Variants in IGSF21 observed in about 807,000 individuals in gnomAD.
IGSF21 encodes immunoglobin superfamily member 21, also known as immunoglobulin superfamily member 21.
A neutral mutation model predicts 46.8 loss-of-function variants in IGSF21; 28 were observed. That is an observed-to-expected ratio of 0.60 (90% CI 0.44 to 0.82). The LOEUF is 0.82. IGSF21 is among the 40% of genes least tolerant of loss of function. IGSF21 has a pLI of 0.00. For synonymous variants in IGSF21, 284 were observed against 273.6 expected (o/e 1.04, Z -0.38); for missense variants, 624 against 665.5 (o/e 0.94, Z 0.69).
At chr1:18,333,478 T>G (rs2085735414) in intron 3 of IGSF21, among the ~76,000 whole-genome samples, 1 of 152,176 alleles carries the variant, frequency 6.6e-6, no homozygotes, top group Non-Finnish European at 1.5e-5. Flanking sequence ...GGTGCAATGT[T>G]CCTGCTTACA....
At chr1:18,350,049 C>T (rs969334296) in intron 4 of IGSF21, among the ~76,000 whole-genome samples, 2 of 152,208 alleles carry the variant, frequency 1.3e-5, no homozygotes, top group East Asian at 1.9e-4. Context: ...AGGTCCACTG[C>T]TGTGCCCAGT....
chr1:18,132,743 TG>T (rs1296943673), intron 1 of IGSF21, among the ~76,000 whole-genome samples: 3 of 151,498 alleles, frequency 2.0e-5, no homozygotes, highest in African/African-American at 7.3e-5. Context: ...GGCAAGGGGG[TG>T]GGGGACCGCT....
At chr1:18,262,852 G>C (rs1298875648) in intron 2 of IGSF21, among the ~76,000 whole-genome samples, 1 of 152,222 alleles carries the variant, frequency 6.6e-6, no homozygotes, top group Non-Finnish European at 1.5e-5. Flanking sequence ...GTTTTCCAAG[G>C]GGCTGGTGAG....
intron 3 of IGSF21, among the ~76,000 whole-genome samples, chr1:18,329,751 T>C (rs1239964242): frequency 6.6e-6 from 1 of 152,168 alleles, no homozygotes; most frequent in Non-Finnish European, 1.5e-5. Context: ...CTAGCATCCG[T>C]GTACCCACTC....
chr1:18,112,000 C>G (rs953463727), intron 1 of IGSF21: 1 of 152,282 alleles, frequency 6.6e-6, no homozygotes, highest in African/African-American at 2.4e-5. Flanking sequence ...TCACTACACT[C>G]TGGCAAGATG....
At position 18,376,934 on chromosome 1, in the gene IGSF21, C is replaced by A; in HGVS notation, c.1236C>A (p.Arg412=). ...VPAELNGSMY[R]CTAQNPLGST... ...CCGAGCTCAATGGCTCCATGTATCG[C>A]TGCACCGCCCAGAACCCACTGGGCT... The change falls in exon 8 of 10, where the codon CGC becomes CGA. Residue 412 remains arginine, a synonymous_variant. Coordinates refer to ENST00000251296, the MANE Select transcript of IGSF21 (RefSeq NM_032880.5). 16 of 1,611,792 alleles carry A rather than the reference C, an allele frequency of 9.9e-6. No individual in the cohort carries two copies. Among genetic ancestry groups the A allele is most frequent in the Non-Finnish European group, 1.4e-5 (16 of 1,178,060 alleles).
chr1:18,242,646 C>T (rs983029664), intron 2 of IGSF21, among the ~76,000 whole-genome samples: 6 of 152,168 alleles, frequency 3.9e-5, no homozygotes, highest in East Asian at 1.9e-4. Flanking sequence ...TATTTCCTTA[C>T]GTGCTTTCAA....
chr1:18,265,746 G>T (rs1160400917), intron 2 of IGSF21, among the ~76,000 whole-genome samples: 1 of 152,196 alleles, frequency 6.6e-6, no homozygotes, highest in Non-Finnish European at 1.5e-5. Context: ...TCTTCACTCC[G>T]ATTTTTGGCA....
At position 18,227,794 on chromosome 1, in the gene IGSF21, C is replaced by T. The variant is rs540998207; in HGVS notation, c.71-104C>T. 164 of 800,912 alleles carry T rather than the reference C, an allele frequency of 2.0e-4. 1 individual carries two copies. Among genetic ancestry groups the T allele is most frequent in the South Asian group, 1.7e-3 (113 of 67,834 alleles). 49.6% of individuals were successfully genotyped at this position (800,912 alleles called of 1,614,324 possible). Reference sequence around the variant, plus strand: ...CTCAAAGTTGTGCAACTACAGACCCCAAACTTCCCTCCTCTGTCTGCTGTC... The same window carrying T: ...CTCAAAGTTGTGCAACTACAGACCCTAAACTTCCCTCCTCTGTCTGCTGTC... On this transcript the variant is annotated intron_variant, in intron 1 of 9. Coordinates refer to ENST00000251296, the MANE Select transcript of IGSF21 (RefSeq NM_032880.5).
intron 3 of IGSF21, among the ~76,000 whole-genome samples, chr1:18,314,997 G>A (rs1039072982): frequency 1.3e-5 from 2 of 152,140 alleles, no homozygotes; most frequent in African/African-American, 4.8e-5. Flanking sequence ...CATGATTGGT[G>A]CATGAGTTGG....
At chr1:18,204,801 C>T (rs936717395) in intron 1 of IGSF21, among the ~76,000 whole-genome samples, 32 of 152,134 alleles carry the variant, frequency 2.1e-4, no homozygotes, top group Non-Finnish European at 4.0e-4. Flanking sequence ...AGCCCAGAGG[C>T]AGGGGGATGA....
chr1:18,283,611 G>A (rs1320942879), intron 2 of IGSF21, among the ~76,000 whole-genome samples: 1 of 152,106 alleles, frequency 6.6e-6, no homozygotes, highest in East Asian at 1.9e-4. Context: ...AGGCGGCCAG[G>A]CGGCTGAATC....
chr1:18,209,958 C>T (rs1190683096), intron 1 of IGSF21, among the ~76,000 whole-genome samples: 1 of 152,034 alleles, frequency 6.6e-6, no homozygotes, highest in Non-Finnish European at 1.5e-5. Context: ...CTGTTCACCC[C>T]ACCCCGGCCC....
At chr1:18,216,743 C>T (rs887301533) in intron 1 of IGSF21, among the ~76,000 whole-genome samples, 13 of 152,150 alleles carry the variant, frequency 8.5e-5, no homozygotes, top group African/African-American at 3.1e-4. Flanking sequence ...ACCCTTTTTT[C>T]GGCCAACAAG....
chr1:18,144,312 A>C (rs904597410), intron 1 of IGSF21, among the ~76,000 whole-genome samples: 1 of 151,556 alleles, frequency 6.6e-6, no homozygotes, highest in Non-Finnish European at 1.5e-5. Flanking sequence ...CGGCTCACAG[A>C]CCTCCATGCC....
chr1:18,178,904 A>G (rs1289228344), intron 1 of IGSF21: 1 of 152,256 alleles, frequency 6.6e-6, no homozygotes, highest in African/African-American at 2.4e-5. Context: ...GGCATAAGTT[A>G]GATAACCGTG....
chr1:18,210,450 T>A (rs4920463), intron 1 of IGSF21, among the ~76,000 whole-genome samples: 72,251 of 152,076 alleles, frequency 0.48, 17,618 homozygotes, highest in Middle Eastern at 0.53. Flanking sequence ...TTTGGCTGAA[T>A]GTCAGGTGTT....
chr1:18,242,729 G>A (rs1010144353), intron 2 of IGSF21, among the ~76,000 whole-genome samples: 3 of 152,230 alleles, frequency 2.0e-5, no homozygotes, highest in Non-Finnish European at 2.9e-5. Context: ...ACAGAGAAGT[G>A]AAGCCTGTCT....
chr1:18,194,153 G>A lies in IGSF21; in HGVS notation c.71-33745G>A, dbSNP rs1199896840. The stretch of plus-strand genomic sequence containing the variant: ...CGCTGGAGCAAACAGGTCAGTAGGG[G>A]AAGCCACTGGAATTCCCACTTCCAC... On this transcript the variant is annotated intron_variant, in intron 1 of 9. Coordinates refer to ENST00000251296, the MANE Select transcript of IGSF21 (RefSeq NM_032880.5). 1.3e-5 allele frequency among the ~76,000 whole-genome samples: 2 copies of A among 152,206 alleles called. 1 individual carries two copies. Among genetic ancestry groups the A allele is most frequent in the African/African-American group, 4.8e-5 (2 of 41,454 alleles).
Sources: gnomAD v4.1 joint callset for allele counts (sites outside exome capture counted in the v4.1 genomes callset) on GRCh38, gnomAD v4.1.1 for gene constraint, MANE v1.5 for transcripts, NCBI Gene and HGNC (gene_info 2026-07-23, HGNC 2026-07-21) for gene names.